RBFOX1: variants seen among roughly 807,000 people sequenced by gnomAD.
The protein encoded by RBFOX1 is RNA binding protein fox-1 homolog 1.
In RBFOX1, 8 loss-of-function variants were observed where a neutral mutation model predicts 57.7. That is an observed-to-expected ratio of 0.14 (90% CI 0.08 to 0.25). The LOEUF is 0.25. Ranked by LOEUF, RBFOX1 falls within the 10% of genes least tolerant of loss-of-function variation. The pLI is 1.00. For synonymous variants in RBFOX1, 326 were observed against 222.4 expected (o/e 1.47, Z -4.15); for missense variants, 611 against 548.5 (o/e 1.11, Z -1.14).
intron 3 of RBFOX1, among the ~76,000 whole-genome samples, chr16:6,849,681 CAAAAT>C (rs901631061): frequency 1.3e-5 from 2 of 151,936 alleles, no homozygotes; most frequent in Non-Finnish European, 2.9e-5. Context: ...AAAAACAAAA[CAAAAT>C]AAAACAAAAA....
chr16:7,269,912 C>G lies in RBFOX1; in HGVS notation c.27+217814C>G, dbSNP rs185779311. On this transcript the variant is annotated intron_variant, in intron 4 of 15. Transcript: ENST00000550418. ...AGCATACCGTTTAATCTAGTCATTACCAACATTATTTGGTATTATTACATA... is the reference window on the plus strand; with the variant it reads ...AGCATACCGTTTAATCTAGTCATTAGCAACATTATTTGGTATTATTACATA... Among the ~76,000 whole-genome samples the G allele has an allele frequency of 2.0e-5, 3 of 152,290 alleles. No homozygotes were observed. The East Asian group carries it at 5.8e-4, about 29-fold the overall frequency.
chr16:5,747,507 C>G (rs980795833), intron 3 of RBFOX1, among the ~76,000 whole-genome samples: 4 of 152,126 alleles, frequency 2.6e-5, no homozygotes, highest in African/African-American at 9.7e-5. Context: ...GTGAATCTGT[C>G]TGATGCTAGA....
At chr16:5,643,383 C>T (rs561349820) in intron 3 of RBFOX1, among the ~76,000 whole-genome samples, 178 of 152,252 alleles carry the variant, frequency 1.2e-3, no homozygotes, top group African/African-American at 4.1e-3. Flanking sequence ...TTATCATTTC[C>T]TTCTTGATGC....
chr16:7,498,027 C>G (rs1352034434), intron 4 of RBFOX1, among the ~76,000 whole-genome samples: 4 of 152,184 alleles, frequency 2.6e-5, no homozygotes, highest in Non-Finnish European at 5.9e-5. Flanking sequence ...TAGACAGATT[C>G]TCTGAGCCTT....
chr16:6,768,340 A>C (rs1300485121), intron 3 of RBFOX1, among the ~76,000 whole-genome samples: 4 of 148,922 alleles, frequency 2.7e-5, no homozygotes, highest in Non-Finnish European at 4.4e-5. Context: ...AAGTATTTCA[A>C]AAATTTTTTT....
In RBFOX1 at chr16:7,155,748, C is replaced by T. The variant is rs1453339172; in HGVS notation, c.27+103650C>T. On this transcript the variant is annotated intron_variant, in intron 4 of 15. Coordinates refer to ENST00000550418, the MANE Select transcript of RBFOX1 (RefSeq NM_018723.4). ...ATATATATATATATATACACACACACACACACACACACACACATATATATA... is the reference window on the plus strand; with the variant it reads ...ATATATATATATATATACACACACATACACACACACACACACATATATATA... Among the ~76,000 whole-genome samples, 23 of 136,746 alleles carry T rather than the reference C, an allele frequency of 1.7e-4. 1 individual carries two copies. The highest frequency in any genetic ancestry group is 6.0e-4 in the African/African-American group (21 of 35,252). The allele number at this position is 136,746 out of a possible 152,430, so 89.7% of individuals were successfully genotyped here.
chr16:6,504,209 G>C (rs78957223), intron 2 of RBFOX1, among the ~76,000 whole-genome samples: 3,184 of 152,270 alleles, frequency 0.021, 111 homozygotes, highest in African/African-American at 0.067. Context: ...CTGCATGATA[G>C]AGCTAGCACC....
At chr16:6,774,524 A>G (rs369398181) in intron 3 of RBFOX1, among the ~76,000 whole-genome samples, 4 of 152,246 alleles carry the variant, frequency 2.6e-5, no homozygotes, top group East Asian at 3.9e-4. Context: ...TTACTTCTCT[A>G]TGTTCAGAGA....
chr16:6,362,079 C>T lies in RBFOX1; in HGVS notation c.-64+45022C>T, dbSNP rs548900730. 3.3e-5 allele frequency among the ~76,000 whole-genome samples: 5 copies of T among 152,200 alleles called. No homozygotes were observed. In the East Asian group the frequency reaches 7.7e-4, roughly 24 times the overall value. On this transcript the variant is annotated intron_variant, in intron 2 of 15. Coordinates refer to ENST00000550418, the MANE Select transcript of RBFOX1 (RefSeq NM_018723.4). ...TCTGACTCAATAGAAATCAGGTTCA[C>T]GTGGCAATTATAACACATGACCTTT...
At chr16:5,309,924 A>T (rs1036508980) in intron 1 of RBFOX1, among the ~76,000 whole-genome samples, 3 of 152,178 alleles carry the variant, frequency 2.0e-5, no homozygotes, top group African/African-American at 7.2e-5. Flanking sequence ...CTGGAGCCAA[A>T]GCTTCTTTTT....
intron 3 of RBFOX1, among the ~76,000 whole-genome samples, chr16:5,857,910 G>A (rs572283259): frequency 6.6e-5 from 10 of 152,130 alleles, no homozygotes; most frequent in South Asian, 2.1e-4. Flanking sequence ...TTGCACTGCC[G>A]TACTCCAGCC....
intron 8 of RBFOX1, chr16:7,597,138 T>A (rs1395453207): frequency 5.1e-6 from 2 of 391,554 alleles, no homozygotes; most frequent in Non-Finnish European, 9.1e-6. Flanking sequence ...TAAACACTCT[T>A]AATGATATGA....
At position 7,122,834 on chromosome 16, in the gene RBFOX1, C is replaced by A. The variant is rs137931532; in HGVS notation, c.27+70736C>A. 6.6e-4 allele frequency among the ~76,000 whole-genome samples: 100 copies of A among 152,228 alleles called. No homozygotes were observed. The South Asian group carries it at 0.02, about 31-fold the overall frequency. On this transcript the variant is annotated intron_variant, in intron 4 of 15. Coordinates refer to ENST00000550418, the MANE Select transcript of RBFOX1 (RefSeq NM_018723.4). The stretch of plus-strand genomic sequence containing the variant: ...TGTCTTCAAATAGATGAATTTGAAG[C>A]ATTACATGTACACGTGGAATACTAC...
intron 4 of RBFOX1, among the ~76,000 whole-genome samples, chr16:5,875,231 C>G (rs2057574544): frequency 6.6e-6 from 1 of 152,164 alleles, no homozygotes; most frequent in East Asian, 1.9e-4. Flanking sequence ...GTGAATGCCT[C>G]CATGTTACAG....
chr16:5,777,513 G>C (rs1223722856), intron 3 of RBFOX1, among the ~76,000 whole-genome samples: 1 of 152,194 alleles, frequency 6.6e-6, no homozygotes, highest in Non-Finnish European at 1.5e-5. Flanking sequence ...GAGTTTAAGA[G>C]CATAGGCTCT....
At chr16:7,656,885 A>T (rs2066449253) in intron 12 of RBFOX1, among the ~76,000 whole-genome samples, 1 of 152,160 alleles carries the variant, frequency 6.6e-6, no homozygotes, top group South Asian at 2.1e-4. Context: ...GAAGAGAAGA[A>T]ATATGGGGTA....
intron 4 of RBFOX1, among the ~76,000 whole-genome samples, chr16:7,299,494 C>T (rs770930338): frequency 2.0e-5 from 3 of 152,200 alleles, no homozygotes; most frequent in Non-Finnish European, 2.9e-5. Flanking sequence ...TCGATCCTGT[C>T]ATTACATGCA....
At chr16:6,923,148 G>C (rs541080934) in intron 3 of RBFOX1, among the ~76,000 whole-genome samples, 1 of 152,190 alleles carries the variant, frequency 6.6e-6, no homozygotes, top group South Asian at 2.1e-4. Context: ...AGCTGGTCCA[G>C]TGTGAGTCTG....
intron 2 of RBFOX1, among the ~76,000 whole-genome samples, chr16:5,582,001 C>T (rs1004312463): frequency 6.6e-6 from 1 of 152,200 alleles, no homozygotes; most frequent in African/African-American, 2.4e-5. Flanking sequence ...ATTTAAGCAG[C>T]AGTTGTTTCG....
Sources: allele counts gnomAD v4.1 joint callset (sites outside exome capture counted in the v4.1 genomes callset), GRCh38; gene constraint gnomAD v4.1.1; transcripts MANE v1.5; gene names NCBI Gene and HGNC (gene_info 2026-07-23, HGNC 2026-07-21).